PTH2R: variants seen among roughly 807,000 people sequenced by gnomAD.
The protein encoded by PTH2R is PTH2 receptor.
Under a neutral mutation model 60.3 loss-of-function variants are expected in PTH2R, and 59 were observed. That is an observed-to-expected ratio of 0.98 (90% CI 0.79 to 1.22). PTH2R has a LOEUF of 1.22. PTH2R is among the 50% of genes most tolerant of loss of function. The pLI is 0.00. For missense variants in PTH2R, 749 were observed against 682.6 expected (o/e 1.10, Z -1.08); for synonymous variants, 256 against 243.8 (o/e 1.05, Z -0.47).
Position 208,493,256 on chromosome 2 carries a change from TG to T in PTH2R, c.1258-6del. 1 of 1,489,694 alleles carries T rather than the reference TG, an allele frequency of 6.7e-7. No homozygotes were observed. Among genetic ancestry groups the T allele is most frequent in the Non-Finnish European group, 8.9e-7 (1 of 1,117,576 alleles). The allele number at this position is 1,489,694 out of a possible 1,614,324, so 92.3% of individuals were successfully genotyped here. ...TTTCTCATGCACAGCATGTTTCTCG[TG>T]GCTTAGGTTCAGGCAGAGGTGAAGA... On this transcript the variant is annotated splice_region_variant and splice_polypyrimidine_tract_variant and intron_variant, in intron 12 of 12. Transcript: ENST00000272847.
At chr2:208,464,793 C>T (rs997517535) in intron 9 of PTH2R, among the ~76,000 whole-genome samples, 5 of 152,064 alleles carry the variant, frequency 3.3e-5, no homozygotes, top group African/African-American at 1.2e-4. Flanking sequence ...GCAGGAGGCT[C>T]GCTTGAGGCC....
intron 1 of PTH2R, among the ~76,000 whole-genome samples, chr2:208,397,582 G>C (rs1216293649): frequency 6.6e-6 from 1 of 152,184 alleles, no homozygotes; most frequent in Non-Finnish European, 1.5e-5. Context: ...AGGTGGGGGG[G>C]CTCTAAGCTG....
rs564613187 is a variant in PTH2R at position 208,445,649 on chromosome 2, G to GA, written c.853+769dup. On this transcript the variant is annotated intron_variant, in intron 7 of 12. Coordinates refer to ENST00000272847, the MANE Select transcript of PTH2R (RefSeq NM_005048.4). ...TTAAATTAGGAGGTGCTCAGCATAG[G>GA]AAAAAAATTCACTAAGTAGCTCACG... Among the ~76,000 whole-genome samples, 3 of 152,120 alleles carry GA rather than the reference G, an allele frequency of 2.0e-5. No homozygotes were observed. The South Asian group carries it at 6.2e-4, about 32-fold the overall frequency.
intron 8 of PTH2R, among the ~76,000 whole-genome samples, chr2:208,457,901 A>C (rs1469558919): frequency 6.6e-6 from 1 of 152,224 alleles, no homozygotes; most frequent in Non-Finnish European, 1.5e-5. Context: ...TCATTAATAA[A>C]AAGTAAGTTC....
At chr2:208,425,855 G>A (rs746512539) in intron 1 of PTH2R, among the ~76,000 whole-genome samples, 1 of 152,200 alleles carries the variant, frequency 6.6e-6, no homozygotes, top group Non-Finnish European at 1.5e-5. Flanking sequence ...ATGTATGAGG[G>A]AGAAAGAAAA....
At chr2:208,381,141 C>T (rs1249834244) in intron 1 of PTH2R, among the ~76,000 whole-genome samples, 1 of 151,986 alleles carries the variant, frequency 6.6e-6, no homozygotes, top group East Asian at 1.9e-4. Flanking sequence ...TTTAGGAAAG[C>T]TTTTCAGACC....
intron 1 of PTH2R, among the ~76,000 whole-genome samples, chr2:208,385,818 T>C (rs1700991785): frequency 6.6e-6 from 1 of 152,192 alleles, no homozygotes; most frequent in Admixed American, 6.5e-5. Context: ...AAAACCAACT[T>C]TGAAAGAAAA....
chr2:208,482,504 C>T (rs1003461878), intron 10 of PTH2R, among the ~76,000 whole-genome samples: 2 of 152,126 alleles, frequency 1.3e-5, no homozygotes, highest in African/African-American at 4.8e-5. Context: ...CATTTGTATG[C>T]AGAAGTACAG....
chr2:208,360,176 CTTCTT>C (rs1442224182), exon 1 of PTH2R: 1 of 454,418 alleles, frequency 2.2e-6, no homozygotes, highest in African/African-American at 2.0e-5. Flanking sequence ...TTTCTTTTCT[CTTCTT>C]TTTCTACGAT....
At chr2:208,416,466 C>G (rs1382166827) in intron 1 of PTH2R, among the ~76,000 whole-genome samples, 1 of 152,212 alleles carries the variant, frequency 6.6e-6, no homozygotes, top group Non-Finnish European at 1.5e-5. Flanking sequence ...AAGCCGCATA[C>G]TTTGACTTGC....
chr2:208,485,631 C>A (rs1304959250), intron 10 of PTH2R, among the ~76,000 whole-genome samples: 1 of 152,154 alleles, frequency 6.6e-6, no homozygotes, highest in African/African-American at 2.4e-5. Context: ...TAGTTACATT[C>A]CACTGGACAG....
At chr2:208,394,506 A>G (rs1006057310) in intron 1 of PTH2R, among the ~76,000 whole-genome samples, 1 of 152,214 alleles carries the variant, frequency 6.6e-6, no homozygotes, top group African/African-American at 2.4e-5. Context: ...GACACCCATG[A>G]CTGCAGGCAT....
At chr2:208,406,081 CAA>C (rs1470106997), upstream of PTH2R, among the ~76,000 whole-genome samples, 7 of 152,210 alleles carry the variant, frequency 4.6e-5, no homozygotes, top group South Asian at 6.2e-4. Context: ...GAGATTAAGA[CAA>C]AGAGAGGCCA....
chr2:208,422,504 GACTTC>G (rs1442108512), intron 1 of PTH2R, among the ~76,000 whole-genome samples: 12 of 152,148 alleles, frequency 7.9e-5, no homozygotes, highest in African/African-American at 2.9e-4. Flanking sequence ...TCGTTAAGTA[GACTTC>G]ACTTTAGGAA....
intron 2 of PTH2R, among the ~76,000 whole-genome samples, chr2:208,436,763 C>A (rs940437484): frequency 6.6e-6 from 1 of 152,114 alleles, no homozygotes; most frequent in African/African-American, 2.4e-5. Context: ...TGGACTGTTC[C>A]AGGCAGTTCC....
chr2:208,465,692 C>T (rs961129834), intron 9 of PTH2R, among the ~76,000 whole-genome samples: 4 of 151,982 alleles, frequency 2.6e-5, no homozygotes, highest in Non-Finnish European at 4.4e-5. Context: ...CATGAGCCAC[C>T]GCAGGGCCAA....
At chr2:208,415,427 C>T (rs923743155) in intron 1 of PTH2R, among the ~76,000 whole-genome samples, 4 of 152,136 alleles carry the variant, frequency 2.6e-5, no homozygotes, top group South Asian at 2.1e-4. Flanking sequence ...CTGTTTGGTG[C>T]GTTCTGAATT....
intron 1 of PTH2R, among the ~76,000 whole-genome samples, chr2:208,401,522 G>A (rs1213612238): frequency 4.7e-5 from 7 of 150,492 alleles, no homozygotes; most frequent in Non-Finnish European, 8.9e-5. Context: ...TTTTCTTTAT[G>A]GTATCTCTCC....
At chr2:208,365,403 A>C (rs1427878109) in intron 1 of PTH2R, among the ~76,000 whole-genome samples, 1 of 151,790 alleles carries the variant, frequency 6.6e-6, no homozygotes, top group African/African-American at 2.4e-5. Context: ...AAGGATATTG[A>C]ATTTTGCCAA....
Sources: allele counts gnomAD v4.1 joint callset (sites outside exome capture counted in the v4.1 genomes callset), GRCh38; gene constraint gnomAD v4.1.1; transcripts MANE v1.5; gene names NCBI Gene and HGNC (gene_info 2026-07-23, HGNC 2026-07-21).